NR2F1-AS1: variants seen among roughly 807,000 people sequenced by gnomAD.
The protein encoded by NR2F1-AS1 is NR2F1 antisense RNA 1.
intron 4 of NR2F1-AS1, among the ~76,000 whole-genome samples, chr5:93,548,349 C>T (rs959455509): frequency 1.3e-5 from 2 of 152,108 alleles, no homozygotes; most frequent in Admixed American, 1.3e-4. Flanking sequence ...CATCTATGGT[C>T]TAGTCACAGC....
chr5:93,474,259 A>G (rs1750433382), intron 4 of NR2F1-AS1, among the ~76,000 whole-genome samples: 1 of 152,220 alleles, frequency 6.6e-6, no homozygotes, highest in Non-Finnish European at 1.5e-5. Flanking sequence ...GGCTTAAGAA[A>G]AAGAATTGTA....
intron 4 of NR2F1-AS1, among the ~76,000 whole-genome samples, chr5:93,502,765 T>C (rs556675589): frequency 9.9e-5 from 15 of 152,240 alleles, no homozygotes; most frequent in South Asian, 6.2e-4. Context: ...TTGGGGCCCA[T>C]GGTATGATGG....
rs1023331354 is a variant in NR2F1-AS1, at chr5:93,459,065, T to C, written n.639-63523A>G. 1.3e-5 allele frequency among the ~76,000 whole-genome samples: 2 copies of C among 151,964 alleles called. 1 individual carries two copies. Among genetic ancestry groups the C allele is most frequent in the South Asian group, 4.2e-4 (2 of 4,808 alleles). On this transcript the variant is annotated intron_variant and non_coding_transcript_variant, in intron 4 of 5. Transcript: ENST00000660523. ...GCACACCACAGAGTGGGAGAAAATA[T>C]TTGCAAAAGATGTATCTGATAAATG...
intron 4 of NR2F1-AS1, among the ~76,000 whole-genome samples, chr5:93,514,226 T>C (rs1474360553): frequency 1.3e-5 from 2 of 152,116 alleles, no homozygotes; most frequent in Non-Finnish European, 2.9e-5. Context: ...AATTTTTCAA[T>C]TGGTATTTCT....
intron 4 of NR2F1-AS1, among the ~76,000 whole-genome samples, chr5:93,482,030 C>A (rs1458341587): frequency 6.6e-6 from 1 of 150,646 alleles, no homozygotes; most frequent in Non-Finnish European, 1.5e-5. Context: ...CCAAAACAAG[C>A]AAAATAAATA....
At chr5:93,581,272 C>G (rs1418743945), upstream of NR2F1-AS1, 1 of 152,452 alleles carries the variant, frequency 6.6e-6, no homozygotes, top group Non-Finnish European at 1.5e-5. Flanking sequence ...GCGGCTCCCA[C>G]CCCCGGCGGC....
chr5:93,430,696 C>T (rs1364993610), intron 4 of NR2F1-AS1, among the ~76,000 whole-genome samples: 1 of 152,038 alleles, frequency 6.6e-6, no homozygotes, highest in African/African-American at 2.4e-5. Flanking sequence ...TGCAGAAATG[C>T]CATGCATATC....
chr5:93,519,871 TAAA>T (rs1009941603), intron 4 of NR2F1-AS1, among the ~76,000 whole-genome samples: 8 of 151,984 alleles, frequency 5.3e-5, no homozygotes, highest in African/African-American at 1.9e-4. Flanking sequence ...AAGTCTAAAC[TAAA>T]AGAAAGAAAT....
chr5:93,446,448 G>A (rs933013961), intron 4 of NR2F1-AS1, among the ~76,000 whole-genome samples: 51 of 151,996 alleles, frequency 3.4e-4, no homozygotes, highest in Middle Eastern at 3.4e-3. Flanking sequence ...ACTCCCATTC[G>A]CAATTGCTTC....
At chr5:93,416,755 G>A (rs555233944) in intron 4 of NR2F1-AS1, among the ~76,000 whole-genome samples, 5 of 152,078 alleles carry the variant, frequency 3.3e-5, no homozygotes, top group Non-Finnish European at 7.4e-5. Context: ...TCCAAAGCTC[G>A]TGCTCTTTAC....
chr5:93,477,565 T>C (rs1750511744), intron 4 of NR2F1-AS1, among the ~76,000 whole-genome samples: 1 of 152,154 alleles, frequency 6.6e-6, no homozygotes, highest in African/African-American at 2.4e-5. Flanking sequence ...TCACCAAAAT[T>C]CATATTTAAT....
chr5:93,539,568 G>C (rs897887623), intron 4 of NR2F1-AS1, among the ~76,000 whole-genome samples: 2 of 152,102 alleles, frequency 1.3e-5, no homozygotes, highest in Admixed American at 1.3e-4. Context: ...TATAGAGGCA[G>C]AGAGAACAGT....
intron 2 of NR2F1-AS1, among the ~76,000 whole-genome samples, chr5:93,559,829 T>C (rs1057497620): frequency 6.6e-6 from 1 of 152,170 alleles, no homozygotes; most frequent in Admixed American, 6.5e-5. Flanking sequence ...ACATTACTAA[T>C]ATCGAAGATC....
At chr5:93,545,510 A>G (rs956282995) in intron 4 of NR2F1-AS1, among the ~76,000 whole-genome samples, 2 of 152,232 alleles carry the variant, frequency 1.3e-5, no homozygotes, top group Admixed American at 1.3e-4. Flanking sequence ...AGAAACATCC[A>G]CTATCTCTAA....
At chr5:93,526,423 G>C (rs1016151063) in intron 4 of NR2F1-AS1, among the ~76,000 whole-genome samples, 1 of 152,120 alleles carries the variant, frequency 6.6e-6, no homozygotes, top group Non-Finnish European at 1.5e-5. Context: ...GGTACAAAGA[G>C]GATCTGGTAC....
At chr5:93,499,347 G>A (rs1357087503) in intron 4 of NR2F1-AS1, among the ~76,000 whole-genome samples, 1 of 152,150 alleles carries the variant, frequency 6.6e-6, no homozygotes, top group East Asian at 1.9e-4. Context: ...ACCCTGCATC[G>A]ATCAAGTCTA....
chr5:93,545,435 C>A (rs898997469), intron 4 of NR2F1-AS1, among the ~76,000 whole-genome samples: 29 of 152,332 alleles, frequency 1.9e-4, no homozygotes, highest in Admixed American at 5.2e-4. Flanking sequence ...ATCTCTGTAA[C>A]TATTCCCAGC....
intron 4 of NR2F1-AS1, among the ~76,000 whole-genome samples, chr5:93,475,611 T>G (rs1211858262): frequency 1.3e-5 from 2 of 152,230 alleles, no homozygotes; most frequent in Admixed American, 6.5e-5. Flanking sequence ...TCCTTTCGAA[T>G]CTAGAGCTTA....
intron 4 of NR2F1-AS1, among the ~76,000 whole-genome samples, chr5:93,418,619 A>G (rs1749020112): frequency 6.6e-6 from 1 of 151,948 alleles, no homozygotes; most frequent in Non-Finnish European, 1.5e-5. Flanking sequence ...AAATAAATAA[A>G]TAAAAACCTC....
Sources: allele counts gnomAD v4.1 joint callset (sites outside exome capture counted in the v4.1 genomes callset), GRCh38; gene constraint gnomAD v4.1.1; transcripts MANE v1.5; gene names NCBI Gene and HGNC (gene_info 2026-07-23, HGNC 2026-07-21).